HMCN1: variants seen among roughly 807,000 people sequenced by gnomAD.
HMCN1 encodes the protein hemicentin 1.
HMCN1 carries 321 observed loss-of-function variants against 625.9 expected under a neutral mutation model. The ratio of observed to expected loss-of-function variants is 0.51; its 90% CI spans 0.47 to 0.56. The LOEUF is 0.56. HMCN1 is among the 20% of genes least tolerant of loss of function. The pLI is 0.00. For synonymous variants in HMCN1, 2,425 were observed against 2,417.6 expected (o/e 1.00, Z -0.09); for missense variants, 6,588 against 6,887.3 (o/e 0.96, Z 1.54).
intron 11 of HMCN1, among the ~76,000 whole-genome samples, chr1:185,948,803 G>T (rs1210305903): frequency 6.6e-6 from 1 of 151,582 alleles, no homozygotes; most frequent in Non-Finnish European, 1.5e-5. Context: ...AAAATTTTTG[G>T]GGGGTGGTAT....
At chr1:185,858,557 A>C (rs1662623700) in intron 2 of HMCN1, among the ~76,000 whole-genome samples, 2 of 45,078 alleles carry the variant, frequency 4.4e-5, no homozygotes, top group South Asian at 1.2e-3. Flanking sequence ...CGTGCCAGCT[A>C]TATGCCTATA....
chr1:185,833,491 T>TG (rs1174482471), intron 1 of HMCN1, among the ~76,000 whole-genome samples: 1 of 152,204 alleles, frequency 6.6e-6, no homozygotes, highest in Non-Finnish European at 1.5e-5. Flanking sequence ...GTAGTGTGTT[T>TG]GCCAGTGAAG....
chr1:185,990,117 T>G (rs181718204), intron 21 of HMCN1, among the ~76,000 whole-genome samples, 158 bp from the exon 22 acceptor site: 1 of 152,348 alleles, frequency 6.6e-6, no homozygotes, highest in Non-Finnish European at 1.5e-5. Context: ...CTTTTAGTTC[T>G]CACAATAAAT....
At chr1:185,872,347 C>T (rs899438110) in intron 4 of HMCN1, among the ~76,000 whole-genome samples, 1 of 152,066 alleles carries the variant, frequency 6.6e-6, no homozygotes, top group Non-Finnish European at 1.5e-5. Context: ...TTTTCACTTC[C>T]AGGCACCTGG....
chr1:185,849,191 C>T (rs897575394), intron 2 of HMCN1, among the ~76,000 whole-genome samples: 1 of 152,078 alleles, frequency 6.6e-6, no homozygotes, highest in Non-Finnish European at 1.5e-5. Context: ...ATAGAGCTTC[C>T]CCATATCTGT....
chr1:185,995,044 C>T lies in HMCN1; in HGVS notation c.3735C>T (p.Asn1245=), dbSNP rs752074278. The T allele has an allele frequency of 1.2e-6, 2 of 1,613,508 alleles. No individual in the cohort carries two copies. Among genetic ancestry groups the T allele is most frequent in the East Asian group, 2.2e-5 (1 of 44,846 alleles). ...DAGIYTCVAT[N]IAGTDETEIT... The stretch of plus-strand genomic sequence containing the variant: ...GCATATATACATGTGTTGCTACTAA[C>T]ATAGCAGGCACTGATGAAACAGAGA... The change falls in exon 24 of 107, where the codon AAC becomes AAT. Residue 1245 remains asparagine (N), a synonymous_variant. Coordinates refer to ENST00000271588, the MANE Select transcript of HMCN1 (RefSeq NM_031935.3).
rs564523303 is a variant in HMCN1, at chr1:185,957,311, T to A, written c.1829-5207T>A. ...AATTTAGAAACAAAATGTGAGTGAG[T>A]TTTGCAAAATTTTACAAAATAGGCT... is the stretch of plus-strand genomic sequence containing the variant. On this transcript the variant is annotated intron_variant, in intron 11 of 106. Transcript: ENST00000271588. Among the ~76,000 whole-genome samples, 34 of 152,284 alleles carry A rather than the reference T, an allele frequency of 2.2e-4. No individual in the cohort carries two copies. The East Asian group carries it at 6.6e-3, about 29-fold the overall frequency.
Position 186,123,073 on chromosome 1 carries a change from G to A in HMCN1, c.12352G>A (p.Ala4118Thr). Reference sequence around the variant, plus strand: ...CATTACATGGCATAAAGATGGGCGTGCAATTGTGGAATCTATCCGCCAGCG... The same window carrying A: ...CATTACATGGCATAAAGATGGGCGTACAATTGTGGAATCTATCCGCCAGCG... ...PDITWHKDGRAIVESIRQRVL... is the reference protein window; with the variant it reads ...PDITWHKDGRTIVESIRQRVL... The change falls in exon 81 of 107, where the codon GCA (alanine) becomes ACA (threonine). Residue 4118 changes from alanine to threonine, a missense_variant. This residue lies in a region of HMCN1 where 1,954 missense variants were observed against 2,013.1 expected (regional missense o/e 0.97). Coordinates refer to ENST00000271588, the MANE Select transcript of HMCN1 (RefSeq NM_031935.3). 1 of 1,614,154 alleles carries A rather than the reference G, an allele frequency of 6.2e-7. No homozygotes were observed. Among genetic ancestry groups the A allele is most frequent in the Non-Finnish European group, 8.5e-7 (1 of 1,180,000 alleles).
chr1:186,017,089 T>A lies in HMCN1; in HGVS notation c.5300+18T>A, dbSNP rs1654416132. On this transcript the variant is annotated intron_variant, in intron 33 of 106. Transcript: ENST00000271588. ...ACTATCATGTAAGGGTTTTGGTATG[T>A]CTTCTAAATACCTCCTGCTTTTTGT... The A allele has an allele frequency of 2.3e-6, 3 of 1,297,790 alleles. No homozygotes were observed. Among genetic ancestry groups the A allele is most frequent in the South Asian group, 2.4e-5 (2 of 84,850 alleles). The allele number at this position is 1,297,790 out of a possible 1,614,324, so 80.4% of individuals were successfully genotyped here. A position where few individuals can be genotyped will look rare whatever the true frequency, so the allele number is the denominator to read the frequency against.
intron 11 of HMCN1, among the ~76,000 whole-genome samples, chr1:185,940,669 T>A (rs541674035): frequency 6.6e-6 from 1 of 152,338 alleles, no homozygotes; most frequent in South Asian, 2.1e-4. Context: ...GACAGAGAAG[T>A]TTACTTTTGA....
At chr1:185,926,709 A>G (rs900801718) in intron 9 of HMCN1, among the ~76,000 whole-genome samples, 1 of 152,176 alleles carries the variant, frequency 6.6e-6, no homozygotes, top group Admixed American at 6.5e-5. Context: ...ATAGACTGAT[A>G]CCCTAATCCT....
At chr1:186,076,697 G>A in intron 54 of HMCN1, 75 bp downstream of exon 54, 1 of 1,435,236 alleles carries the variant, frequency 7.0e-7, no homozygotes, top group South Asian at 1.1e-5. Flanking sequence ...TAGACGAATT[G>A]AATTGGTTGG....
chr1:185,894,241 T>A (rs991603299), intron 4 of HMCN1, among the ~76,000 whole-genome samples: 2 of 152,206 alleles, frequency 1.3e-5, no homozygotes, highest in Non-Finnish European at 2.9e-5. Context: ...ATAAATGAAA[T>A]CATACAGTAC....
chr1:186,107,457 T>A (rs530970582), intron 70 of HMCN1, among the ~76,000 whole-genome samples: 2 of 152,302 alleles, frequency 1.3e-5, no homozygotes, highest in Non-Finnish European at 2.9e-5. Context: ...ACACAAAGAC[T>A]TTTTTGCATA....
At chr1:185,765,265 A>G (rs187624043) in intron 1 of HMCN1, among the ~76,000 whole-genome samples, 1 of 152,310 alleles carries the variant, frequency 6.6e-6, no homozygotes, top group East Asian at 1.9e-4. Context: ...GTTATGGTAA[A>G]CTAAAGTTAC....
At chr1:185,895,268 A>G (rs1190327109) in intron 4 of HMCN1, among the ~76,000 whole-genome samples, 2 of 152,194 alleles carry the variant, frequency 1.3e-5, no homozygotes, top group Non-Finnish European at 2.9e-5. Context: ...TAATGAATTA[A>G]TAGTTCTTAG....
intron 11 of HMCN1, among the ~76,000 whole-genome samples, chr1:185,938,409 G>A (rs1022841608): frequency 6.6e-6 from 1 of 152,048 alleles, no homozygotes. Context: ...GACTTCTTAT[G>A]CTAAAAGTTA....
chr1:185,772,944 G>A (rs1463076400), intron 1 of HMCN1, among the ~76,000 whole-genome samples: 3 of 151,970 alleles, frequency 2.0e-5, no homozygotes, highest in Non-Finnish European at 4.4e-5. Context: ...TTTTATAGTG[G>A]CATTAATTCG....
In HMCN1 at chr1:186,093,232, A is replaced by G. The variant is rs756380047; in HGVS notation, c.9986A>G (p.Asp3329Gly). 2 of 1,613,330 alleles carry G rather than the reference A, an allele frequency of 1.2e-6. No homozygotes were observed. Among genetic ancestry groups the G allele is most frequent in the Non-Finnish European group, 1.7e-6 (2 of 1,179,560 alleles). The change falls in exon 65 of 107, where the codon GAC becomes GGC. Residue 3329 changes from aspartate to glycine, a missense_variant. Physicochemically the swap from Asp to Gly is moderately conservative, Grantham distance 94. Coordinates refer to ENST00000271588, the MANE Select transcript of HMCN1 (RefSeq NM_031935.3). Reference sequence around the variant, plus strand: ...GCTACTAATCCCGCTGGAGAAGAAGACCGAATTTTTAACTTGAATGTCTAT... The same window carrying G: ...GCTACTAATCCCGCTGGAGAAGAAGGCCGAATTTTTAACTTGAATGTCTAT... ...CVATNPAGEE[D>G]RIFNLNVYVT...
Sources: gnomAD v4.1 joint callset for allele counts (sites outside exome capture counted in the v4.1 genomes callset) on GRCh38, gnomAD v4.1.1 for gene constraint, gnomAD v4.1.1 regional missense constraint, MANE v1.5 for transcripts, NCBI Gene and HGNC (gene_info 2026-07-23, HGNC 2026-07-21) for gene names.